The following XIRP2 variants were observed in gnomAD, a reference collection of about 807,000 sequenced individuals.
XIRP2 encodes the protein xin actin binding repeat containing 2.
Under a neutral mutation model 277.0 loss-of-function variants are expected in XIRP2, and 236 were observed. The ratio of observed to expected loss-of-function variants is 0.85; its 90% CI spans 0.77 to 0.95. XIRP2 has a LOEUF of 0.95. Among genes scored for constraint, XIRP2 ranks in the 40% least tolerant of loss-of-function variants. The pLI is 0.00. For synonymous variants in XIRP2, 1,490 were observed against 1,416.5 expected, an observed-to-expected ratio of 1.05 and a Z score of -1.17; for missense variants, 4,640 against 4,157.5, an observed-to-expected ratio of 1.12 and a Z score of -3.19.
rs1021987903 is a variant in XIRP2, at chr2:166,979,575, G to T, written c.408+75685G>T. Among the ~76,000 whole-genome samples, 15 of 151,354 alleles carry T rather than the reference G, an allele frequency of 9.9e-5. 1 individual carries two copies. The highest frequency in any genetic ancestry group is 3.3e-4 in the Admixed American group (5 of 15,200). ...AAGTTCTTTTTTATTCTTTGTTTCTGCAACGGTTGTTTTTACCATGAATAG... is the reference window on the plus strand; with the variant it reads ...AAGTTCTTTTTTATTCTTTGTTTCTTCAACGGTTGTTTTTACCATGAATAG... On this transcript the variant is annotated intron_variant, in intron 2 of 10. Transcript: ENST00000409195.
At position 166,902,215 on chromosome 2, in the gene XIRP2, C is replaced by T. The variant is rs77225370; in HGVS notation, c.-18-1250C>T. Among the ~76,000 whole-genome samples, 173 of 152,176 alleles carry T rather than the reference C, an allele frequency of 1.1e-3. 1 individual carries two copies. Among genetic ancestry groups the T allele is most frequent in the African/African-American group, 4.1e-3 (169 of 41,548 alleles). On this transcript the variant is annotated intron_variant, in intron 1 of 10. Coordinates refer to ENST00000409195, the MANE Select transcript of XIRP2 (RefSeq NM_152381.6). ...CAATTTAGTGGGCAGCACACATTAT[C>T]TTTAAAAGTGAAGGAGTTCGGAGTA...
chr2:167,017,346 T>A (rs1394217238), intron 2 of XIRP2, among the ~76,000 whole-genome samples: 1 of 151,850 alleles, frequency 6.6e-6, no homozygotes, highest in Non-Finnish European at 1.5e-5. Flanking sequence ...TTTCTGAGAG[T>A]CTGAACCAAG....
chr2:166,975,862 C>T (rs988196886), intron 2 of XIRP2, among the ~76,000 whole-genome samples: 1 of 122,832 alleles, frequency 8.1e-6, no homozygotes, highest in Admixed American at 1.1e-4. Flanking sequence ...ACCCTGGAGG[C>T]GGAGCTTGCA....
At chr2:167,178,509 G>C (rs1692918171) in intron 3 of XIRP2, among the ~76,000 whole-genome samples, 1 of 152,018 alleles carries the variant, frequency 6.6e-6, no homozygotes, top group Non-Finnish European at 1.5e-5. Context: ...ACTATTGTTT[G>C]ATTCGGGATG....
At chr2:166,901,334 G>C (rs911843718) in intron 1 of XIRP2, among the ~76,000 whole-genome samples, 9 of 152,042 alleles carry the variant, frequency 5.9e-5, no homozygotes, top group Non-Finnish European at 8.8e-5. Flanking sequence ...CCTTCTCTCT[G>C]CTTTTCAAAG....
At chr2:167,172,824 A>G (rs1274778932) in intron 3 of XIRP2, among the ~76,000 whole-genome samples, 3 of 152,314 alleles carry the variant, frequency 2.0e-5, no homozygotes, top group East Asian at 3.9e-4. Context: ...GGTGACATTC[A>G]TCCTCAGCTT....
intron 5 of XIRP2, among the ~76,000 whole-genome samples, chr2:167,236,397 A>T (rs1295922391): frequency 6.6e-6 from 1 of 152,090 alleles, no homozygotes; most frequent in Non-Finnish European, 1.5e-5. Context: ...TGTGCAGGAG[A>T]AATCTCCTTA....
At chr2:166,972,013 C>T (rs1235844012) in intron 2 of XIRP2, among the ~76,000 whole-genome samples, 1 of 152,094 alleles carries the variant, frequency 6.6e-6, no homozygotes, top group South Asian at 2.1e-4. Context: ...TGTTGAGGTC[C>T]TAATCCCCAA....
intron 3 of XIRP2, among the ~76,000 whole-genome samples, chr2:167,195,840 C>T (rs1039605280): frequency 1.3e-5 from 2 of 152,238 alleles, no homozygotes; most frequent in East Asian, 1.9e-4. Flanking sequence ...GTGTTGAAAG[C>T]GTCTGACTCT....
At chr2:167,023,929 G>T (rs1307070409) in intron 2 of XIRP2, among the ~76,000 whole-genome samples, 1 of 152,128 alleles carries the variant, frequency 6.6e-6, no homozygotes, top group East Asian at 1.9e-4. Flanking sequence ...GGATTGACTT[G>T]GTGATGCGGG....
In XIRP2 at chr2:167,058,021, A is replaced by ATTATTTTATTTTATTTTATT. The variant is rs370711918; in HGVS notation, c.409-77850_409-77831dup. ...TATGCATGTTTTATTTTATTTTATA[A>ATTATTTTATTTTATTTTATT]TTATTTTATTTTATTTTATTTTATT... On this transcript the variant is annotated intron_variant, in intron 2 of 10. Coordinates refer to ENST00000409195, the MANE Select transcript of XIRP2 (RefSeq NM_152381.6). Among the ~76,000 whole-genome samples the ATTATTTTATTTTATTTTATT allele has an allele frequency of 2.5e-4, 34 of 136,840 alleles. No individual in the cohort carries two copies. In the East Asian group the frequency reaches 5.6e-3, roughly 23 times the overall value. 89.8% of individuals were successfully genotyped at this position (136,840 alleles called of 152,430 possible). A position where few individuals can be genotyped will look rare whatever the true frequency, so the allele number is the denominator to read the frequency against.
At chr2:166,925,723 G>A (rs947228031) in intron 2 of XIRP2, among the ~76,000 whole-genome samples, 7 of 150,840 alleles carry the variant, frequency 4.6e-5, no homozygotes, top group African/African-American at 1.7e-4. Flanking sequence ...CCTAATCAGG[G>A]TGATAGGCAC....
At chr2:166,929,534 T>C (rs888599040) in intron 2 of XIRP2, among the ~76,000 whole-genome samples, 7 of 152,162 alleles carry the variant, frequency 4.6e-5, no homozygotes, top group African/African-American at 1.7e-4. Context: ...AGTGGATCTT[T>C]ATAGTGGTAT....
intron 2 of XIRP2, among the ~76,000 whole-genome samples, chr2:166,975,456 T>G (rs1317179241): frequency 2.6e-5 from 4 of 152,096 alleles, no homozygotes; most frequent in African/African-American, 9.7e-5. Context: ...TTCTGTGACC[T>G]CCAGCCTGGC....
chr2:166,980,831 T>C (rs565894572), intron 2 of XIRP2, among the ~76,000 whole-genome samples: 37 of 152,310 alleles, frequency 2.4e-4, no homozygotes, highest in African/African-American at 8.4e-4. Context: ...CTTTTTCCTA[T>C]TCTGCCTTCT....
At chr2:167,160,178 T>C (rs1324096255) in intron 3 of XIRP2, among the ~76,000 whole-genome samples, 2 of 152,224 alleles carry the variant, frequency 1.3e-5, no homozygotes, top group East Asian at 3.8e-4. Flanking sequence ...AAAAAAATTT[T>C]AATGAGCTTT....
At chr2:167,046,668 T>C (rs1688796484) in intron 2 of XIRP2, among the ~76,000 whole-genome samples, 3 of 152,006 alleles carry the variant, frequency 2.0e-5, no homozygotes, top group South Asian at 4.1e-4. Context: ...TGACTTGACA[T>C]GGGAACAGCA....
At chr2:166,945,222 A>G (rs1294806887) in intron 2 of XIRP2, among the ~76,000 whole-genome samples, 1 of 152,194 alleles carries the variant, frequency 6.6e-6, no homozygotes, top group Non-Finnish European at 1.5e-5. Flanking sequence ...TTCTGGGCAG[A>G]CAAAAGCAAA....
At position 167,249,544 on chromosome 2, in the gene XIRP2, C is replaced by G; in HGVS notation, c.8152C>G (p.Leu2718Val). The part of the protein sequence containing the change: ...FKVKTIKLPT[L>V]DHTLNETDHS... ...AGTTAAAACCATCAAACTTCCAACT[C>G]TAGATCATACATTAAATGAAACAGA... The change falls in exon 9 of 11, where the codon CTA (leucine) becomes GTA (valine). Residue 2718 changes from leucine (L) to valine (V), a missense_variant. Physicochemically the swap from Leu to Val is conservative, Grantham distance 32. Coordinates refer to ENST00000409195, the MANE Select transcript of XIRP2 (RefSeq NM_152381.6). The G allele has an allele frequency of 6.2e-7, 1 of 1,613,592 alleles. No homozygotes were observed. The highest frequency in any genetic ancestry group is 8.5e-7 in the Non-Finnish European group (1 of 1,179,736).
Sources: allele counts gnomAD v4.1 joint callset (sites outside exome capture counted in the v4.1 genomes callset), GRCh38; gene constraint gnomAD v4.1.1; transcripts MANE v1.5; gene names NCBI Gene and HGNC (gene_info 2026-07-23, HGNC 2026-07-21).